Variants in FAM25G observed in about 807,000 individuals in gnomAD.
FAM25G encodes family with sequence similarity 25 member G.
FAM25G carries 3 observed loss-of-function variants against 6.4 expected under a neutral mutation model. The observed-to-expected ratio is 0.47, with a 90% CI of 0.21 to 1.21. FAM25G has a LOEUF of 1.21. FAM25G is among the 50% of genes most tolerant of loss of function. FAM25G has a pLI of 0.22. For synonymous variants in FAM25G, 15 were observed against 31.3 expected (o/e 0.48, Z 1.74); for missense variants, 34 against 76.0 (o/e 0.45, Z 2.06).
chr10:47,491,547 C>T, intron 1 of FAM25G, 55 bp downstream of exon 1: 4 of 1,421,528 alleles, frequency 2.8e-6, no homozygotes, highest in African/African-American at 3.0e-5. Context: ...CTCCCACAGA[C>T]CCAGTCTGCC....
intron 2 of FAM25G, among the ~76,000 whole-genome samples, chr10:47,487,721 A>G (rs2132449350): frequency 6.8e-6 from 1 of 147,182 alleles, no homozygotes; most frequent in African/African-American, 2.5e-5. Context: ...TATCATTTTT[A>G]TGACAAATAT....
intron 2 of FAM25G, among the ~76,000 whole-genome samples, chr10:47,488,827 A>C (rs1340225356): frequency 1.5e-5 from 2 of 131,116 alleles, no homozygotes; most frequent in Admixed American, 9.5e-5. Context: ...TTCCAGGTTC[A>C]CGCCATTCTC....
intron 1 of FAM25G, among the ~76,000 whole-genome samples, chr10:47,489,981 G>A (rs1457381640): frequency 6.6e-6 from 1 of 150,582 alleles, no homozygotes; most frequent in Non-Finnish European, 1.5e-5. Context: ...GCCCCATGAG[G>A]GCATGGGTCC....
At chr10:47,488,712 A>ATTTTTTT (rs1840088979) in intron 2 of FAM25G, among the ~76,000 whole-genome samples, 3 of 95,952 alleles carry the variant, frequency 3.1e-5, no homozygotes, top group African/African-American at 8.3e-5. Context: ...TTACATGTTA[A>ATTTTTTT]ATTTTTTTTT....
chr10:47,489,363 A>G (rs1232880317), intron 2 of FAM25G, among the ~76,000 whole-genome samples: 3 of 150,366 alleles, frequency 2.0e-5, no homozygotes, highest in African/African-American at 7.3e-5. Flanking sequence ...GTCTTGTGTG[A>G]CTTTGTCTTC....
chr10:47,487,390 T>C lies in FAM25G; in HGVS notation c.155A>G (p.Lys52Arg). 2 of 1,019,326 alleles carry C rather than the reference T, an allele frequency of 2.0e-6. No individual in the cohort carries two copies. The highest frequency in any genetic ancestry group is 2.8e-6 in the Non-Finnish European group (2 of 718,972). The allele number at this position is 1,019,326 out of a possible 1,614,324, so 63.1% of individuals were successfully genotyped here. The change falls in exon 3 of 3, where the codon AAG becomes AGG. Residue 52 changes from lysine to arginine, a missense_variant. Lys to Arg is a conservative substitution (Grantham distance 26). Transcript: ENST00000452267. ...TTTGTCCCCTGACTCCTGGGCTTTC[T>C]TTATGGCTTCAGCAATGGCTGTTGG... ...TGEKAIAEAIKKAQESGDKKM... is the reference protein window; with the variant it reads ...TGEKAIAEAIRKAQESGDKKM...
At position 47,491,578 on chromosome 10, in the gene FAM25G, T is replaced by C. The variant is rs1224007536; in HGVS notation, c.73+24A>G. The C allele has an allele frequency of 4.7e-6, 7 of 1,503,366 alleles. No homozygotes were observed. In the East Asian group the frequency reaches 1.1e-4, roughly 23 times the overall value. 93.1% of individuals were successfully genotyped at this position (1,503,366 alleles called of 1,614,324 possible). On this transcript the variant is annotated intron_variant, in intron 1 of 2. Transcript: ENST00000452267. ...CTGCCCCAGATCCCCCCAGCCCAGG[T>C]AGAAAGGAGCCCTGGGTCCTCACTG...
At position 47,487,540 on chromosome 10, in the gene FAM25G, T is replaced by A; in HGVS notation, c.137-132A>T. On this transcript the variant is annotated intron_variant, in intron 2 of 2. Transcript: ENST00000452267. Reference sequence around the variant, plus strand: ...CCGATGGGACCAAGGGCAGCAGGATTACTGCAGAATGAATTTGAATTTGGT... The same window carrying A: ...CCGATGGGACCAAGGGCAGCAGGATAACTGCAGAATGAATTTGAATTTGGT... 10 of 433,396 alleles carry A rather than the reference T, an allele frequency of 2.3e-5. No homozygotes were observed. In the East Asian group the frequency reaches 5.2e-4, roughly 22 times the overall value. The allele number at this position is 433,396 out of a possible 1,614,324, so 26.8% of individuals were successfully genotyped here.
intron 2 of FAM25G, among the ~76,000 whole-genome samples, chr10:47,488,713 ATT>A (rs1160121365): frequency 4.2e-3 from 258 of 62,014 alleles, no homozygotes; most frequent in African/African-American, 0.016. Context: ...TACATGTTAA[ATT>A]TTTTTTTTTT....
intron 2 of FAM25G, among the ~76,000 whole-genome samples, 156 bp downstream of exon 2, chr10:47,489,430 T>C (rs1339672546): frequency 1.3e-5 from 2 of 150,568 alleles, no homozygotes; most frequent in Non-Finnish European, 3.0e-5. Flanking sequence ...GTCTGTGGCC[T>C]CTGATGAGCA....
intron 2 of FAM25G, among the ~76,000 whole-genome samples, chr10:47,487,764 G>C (rs1483713751): frequency 7.0e-6 from 1 of 142,348 alleles, no homozygotes; most frequent in Non-Finnish European, 1.5e-5. Context: ...CTTTTGGCTT[G>C]GTTTATAGTG....
chr10:47,488,500 T>C (rs1840085181), intron 2 of FAM25G, among the ~76,000 whole-genome samples: 1 of 150,716 alleles, frequency 6.6e-6, no homozygotes. Flanking sequence ...CGTGAGCCAC[T>C]GCACCTGGCC....
intron 2 of FAM25G, among the ~76,000 whole-genome samples, chr10:47,488,533 C>T (rs1282375798): frequency 6.6e-6 from 1 of 151,286 alleles, no homozygotes; most frequent in African/African-American, 2.5e-5. Flanking sequence ...TAAGAGCAGC[C>T]TGAGCTAAGA....
chr10:47,488,874 C>A (rs1256014502), intron 2 of FAM25G, among the ~76,000 whole-genome samples: 7 of 146,268 alleles, frequency 4.8e-5, no homozygotes, highest in African/African-American at 1.8e-4. Context: ...ACTACAGGTG[C>A]CCGCCACCGT....
rs1308670280 is a variant in FAM25G at position 47,489,299 on chromosome 10, T to C, written c.136+287A>G. ...TCCCAAAGTGCTGGGATTACAGGCA[T>C]GAGCCACCGCACCCTGCCATGTTAA... is the stretch of plus-strand genomic sequence containing the variant. On this transcript the variant is annotated intron_variant, in intron 2 of 2. Coordinates refer to ENST00000452267, the MANE Select transcript of FAM25G (RefSeq NM_001137549.2). Among the ~76,000 whole-genome samples, 3 of 144,150 alleles carry C rather than the reference T, an allele frequency of 2.1e-5. 1 individual carries two copies. In the East Asian group the frequency reaches 7.8e-4, roughly 37 times the overall value. 94.6% of individuals were successfully genotyped at this position (144,150 alleles called of 152,430 possible). A position where few individuals can be genotyped will look rare whatever the true frequency, so the allele number is the denominator to read the frequency against.
intron 2 of FAM25G, among the ~76,000 whole-genome samples, chr10:47,489,049 G>C (rs1216022121): frequency 7.2e-6 from 1 of 138,212 alleles, no homozygotes; most frequent in Admixed American, 7.4e-5. Context: ...ACCGAGTCTT[G>C]CTCTGTAGCC....
chr10:47,489,048 T>G (rs1311109513), intron 2 of FAM25G, among the ~76,000 whole-genome samples: 11 of 142,806 alleles, frequency 7.7e-5, no homozygotes, highest in African/African-American at 2.9e-4. Context: ...GACCGAGTCT[T>G]GCTCTGTAGC....
At chr10:47,489,813 A>AC (rs1840115117) in intron 1 of FAM25G, among the ~76,000 whole-genome samples, 165 bp from the exon 2 acceptor site, 1 of 127,074 alleles carries the variant, frequency 7.9e-6, no homozygotes, top group South Asian at 3.1e-4. Context: ...GGGCTGGCTT[A>AC]TCCTCACAAC....
chr10:47,488,843 T>C (rs1840093783), intron 2 of FAM25G, among the ~76,000 whole-genome samples: 1 of 138,988 alleles, frequency 7.2e-6, no homozygotes, highest in Non-Finnish European at 1.5e-5. Context: ...TTCTCCTGCC[T>C]CAGCCTCCCG....
Sources: gnomAD v4.1 joint callset for allele counts (sites outside exome capture counted in the v4.1 genomes callset) on GRCh38, gnomAD v4.1.1 for gene constraint, MANE v1.5 for transcripts, NCBI Gene and HGNC (gene_info 2026-07-23, HGNC 2026-07-21) for gene names.